FAM135B: variants seen among roughly 807,000 people sequenced by gnomAD.
FAM135B encodes the protein family with sequence similarity 135 member B, also known as protein FAM135B.
Under a neutral mutation model 127.7 loss-of-function variants are expected in FAM135B, and 43 were observed. That is an observed-to-expected ratio of 0.34 (90% CI 0.26 to 0.43). The LOEUF (loss-of-function observed/expected upper bound fraction) is 0.43. Ranked by LOEUF, FAM135B falls within the 20% of genes least tolerant of loss-of-function variation. The pLI is 1.00. For synonymous variants in FAM135B, 670 were observed against 665.1 expected (o/e 1.01, Z -0.11); for missense variants, 1,558 against 1,725.6 (o/e 0.90, Z 1.72).
chr8:138,324,312 A>T (rs573830267), intron 2 of FAM135B, among the ~76,000 whole-genome samples: 4 of 152,356 alleles, frequency 2.6e-5, no homozygotes, highest in Middle Eastern at 3.4e-3. Flanking sequence ...AGATCTACGT[A>T]GTATTAGATA....
chr8:138,311,940 T>A (rs1826713348), intron 2 of FAM135B, among the ~76,000 whole-genome samples: 1 of 152,126 alleles, frequency 6.6e-6, no homozygotes, highest in Non-Finnish European at 1.5e-5. Context: ...TGTTCCTGTA[T>A]CTGTAAAATG....
intron 1 of FAM135B, among the ~76,000 whole-genome samples, chr8:138,382,311 C>A (rs1280104362): frequency 1.3e-5 from 2 of 152,110 alleles, no homozygotes; most frequent in Non-Finnish European, 2.9e-5. Flanking sequence ...TAGGGTAATC[C>A]GTCTTCCCTG....
intron 9 of FAM135B, among the ~76,000 whole-genome samples, chr8:138,192,430 C>T (rs533490890): frequency 3.3e-5 from 5 of 152,336 alleles, no homozygotes; most frequent in South Asian, 2.1e-4. Context: ...CCAAAATCTT[C>T]GAAATGATGG....
At chr8:138,380,483 C>T (rs1831781301) in intron 1 of FAM135B, among the ~76,000 whole-genome samples, 1 of 152,124 alleles carries the variant, frequency 6.6e-6, no homozygotes, top group Admixed American at 6.6e-5. Context: ...TATGAGCCAC[C>T]ATGCCTGGCC....
At chr8:138,481,245 C>CT (rs1407064907) in intron 1 of FAM135B, among the ~76,000 whole-genome samples, 1 of 152,218 alleles carries the variant, frequency 6.6e-6, no homozygotes, top group African/African-American at 2.4e-5. Context: ...TTTGTTAAGT[C>CT]TGTGTATGCA....
intron 7 of FAM135B, among the ~76,000 whole-genome samples, chr8:138,231,571 G>T (rs1368365042): frequency 6.6e-6 from 1 of 152,200 alleles, no homozygotes; most frequent in Non-Finnish European, 1.5e-5. Context: ...GAATGTGACA[G>T]ATATGGCTTC....
chr8:138,349,393 TTACTCTGTTGAAGGCTG>T (rs1829634243), intron 2 of FAM135B, among the ~76,000 whole-genome samples: 1 of 152,172 alleles, frequency 6.6e-6, no homozygotes, highest in East Asian at 1.9e-4. Context: ...TTATTTTGCT[TTACTCTGTTGAAGGCTG>T]TTTACTCATG....
intron 1 of FAM135B, among the ~76,000 whole-genome samples, chr8:138,489,389 T>A (rs78738392): frequency 0.036 from 5,413 of 152,130 alleles, 307 homozygotes; most frequent in African/African-American, 0.12. Context: ...CTCAAGTTGG[T>A]CCTCCTGTCT....
In FAM135B at chr8:138,445,182, G is replaced by C. The variant is rs1422341997; in HGVS notation, c.-20+51489C>G. 2.6e-5 allele frequency among the ~76,000 whole-genome samples: 4 copies of C among 152,260 alleles called. No homozygotes were observed. The South Asian group carries it at 6.2e-4, about 24-fold the overall frequency. ...ATTAATAGCTTACCAACCAAAAAAA[G>C]TCCAGGACCAGACGGATTCACAGCC... is the stretch of plus-strand genomic sequence containing the variant. On this transcript the variant is annotated intron_variant, in intron 1 of 19. Coordinates refer to ENST00000395297, the MANE Select transcript of FAM135B (RefSeq NM_015912.4).
intron 9 of FAM135B, among the ~76,000 whole-genome samples, chr8:138,193,354 T>C (rs1444214433): frequency 6.6e-6 from 1 of 152,074 alleles, no homozygotes; most frequent in African/African-American, 2.4e-5. Flanking sequence ...GCTATGGTGA[T>C]CCCGGACTAG....
At position 138,290,611 on chromosome 8, in the gene FAM135B, T is replaced by C. The variant is rs147588280; in HGVS notation, c.157+20230A>G. Among the ~76,000 whole-genome samples the C allele has an allele frequency of 7.8e-4, 119 of 152,276 alleles. No homozygotes were observed. The Middle Eastern group carries it at 0.01, about 13-fold the overall frequency. ...TCCAATTTGATTCTGTTGTAACTTATTTATTTTGATTTTTACTCCTGATGG... is the reference window on the plus strand; with the variant it reads ...TCCAATTTGATTCTGTTGTAACTTACTTATTTTGATTTTTACTCCTGATGG... On this transcript the variant is annotated intron_variant, in intron 3 of 19. Transcript: ENST00000395297.
intron 1 of FAM135B, chr8:138,437,208 A>C (rs1437892652): frequency 6.6e-6 from 1 of 152,234 alleles, no homozygotes; most frequent in Non-Finnish European, 1.5e-5. Context: ...TTGGTAGAGA[A>C]GAAGAATATA....
At chr8:138,154,413 C>A (rs1446540489) in intron 12 of FAM135B, among the ~76,000 whole-genome samples, 1 of 152,108 alleles carries the variant, frequency 6.6e-6, no homozygotes, top group Admixed American at 6.5e-5. Context: ...TCTTCACCAG[C>A]AACAGAACAA....
intron 1 of FAM135B, among the ~76,000 whole-genome samples, chr8:138,417,606 C>T (rs1486360335): frequency 2.0e-5 from 3 of 152,126 alleles, no homozygotes; most frequent in Non-Finnish European, 2.9e-5. Context: ...CACCTTGGCT[C>T]CTCCAACACA....
chr8:138,495,068 G>A (rs986845637), intron 1 of FAM135B, among the ~76,000 whole-genome samples: 1 of 152,108 alleles, frequency 6.6e-6, no homozygotes, highest in Non-Finnish European at 1.5e-5. Flanking sequence ...CTCTCTTTTC[G>A]TAGTTGATGG....
At chr8:138,481,220 C>T (rs376660277) in intron 1 of FAM135B, among the ~76,000 whole-genome samples, 13 of 152,358 alleles carry the variant, frequency 8.5e-5, no homozygotes, top group East Asian at 5.8e-4. Context: ...AATTATGTCA[C>T]ATGGTATCAG....
chr8:138,376,458 T>G (rs528052819), intron 1 of FAM135B, among the ~76,000 whole-genome samples: 1 of 152,200 alleles, frequency 6.6e-6, no homozygotes, highest in Non-Finnish European at 1.5e-5. Context: ...ACCCTCTCAC[T>G]GCAGAGGCAG....
At chr8:138,137,551 G>T (rs1193894911) in intron 18 of FAM135B, among the ~76,000 whole-genome samples, 5 of 152,118 alleles carry the variant, frequency 3.3e-5, no homozygotes, top group African/African-American at 1.2e-4. Flanking sequence ...GAAAGCTAAG[G>T]AGACACACAG....
At chr8:138,334,377 C>T (rs1298403003) in intron 2 of FAM135B, among the ~76,000 whole-genome samples, 1 of 152,146 alleles carries the variant, frequency 6.6e-6, no homozygotes, top group Non-Finnish European at 1.5e-5. Context: ...TGTTTTGTTT[C>T]TTTGTTTTCT....
Sources: allele counts gnomAD v4.1 joint callset (sites outside exome capture counted in the v4.1 genomes callset), GRCh38; gene constraint gnomAD v4.1.1; transcripts MANE v1.5; gene names NCBI Gene and HGNC (gene_info 2026-07-23, HGNC 2026-07-21).